Variants in USP47 observed in about 807,000 individuals in gnomAD.
USP47 encodes the protein ubiquitin carboxyl-terminal hydrolase 47.
In USP47, 35 loss-of-function variants were observed where a neutral mutation model predicts 165.1. That is an observed-to-expected ratio of 0.21 (90% CI 0.16 to 0.28). USP47 has a LOEUF of 0.28. USP47 is among the 10% of genes least tolerant of loss of function. The pLI is 1.00. For missense variants in USP47, 1,277 were observed against 1,607.4 expected, an observed-to-expected ratio of 0.79 and a Z score of 3.52; for synonymous variants, 531 against 544.5, an observed-to-expected ratio of 0.98 and a Z score of 0.35.
intron 3 of USP47, among the ~76,000 whole-genome samples, chr11:11,885,786 C>T (rs538762194): frequency 3.3e-5 from 5 of 152,226 alleles, no homozygotes; most frequent in South Asian, 2.1e-4. Flanking sequence ...GACCCACTGG[C>T]TTGGAATTGG....
chr11:11,862,638 G>A (rs143791826), intron 1 of USP47, among the ~76,000 whole-genome samples: 121 of 152,286 alleles, frequency 7.9e-4, no homozygotes, highest in African/African-American at 2.8e-3. Flanking sequence ...TATTCTGGAT[G>A]TAATTTGACA....
intron 7 of USP47, among the ~76,000 whole-genome samples, chr11:11,904,638 A>C (rs564562607): frequency 4.6e-5 from 7 of 152,184 alleles, no homozygotes; most frequent in African/African-American, 1.7e-4. Context: ...ATTCCTACTG[A>C]GTTCCCAAGT....
intron 3 of USP47, among the ~76,000 whole-genome samples, chr11:11,891,002 C>T (rs1232013701): frequency 6.6e-6 from 1 of 151,960 alleles, no homozygotes; most frequent in African/African-American, 2.4e-5. Flanking sequence ...CACACTGGGG[C>T]ATGTTGTGAG....
Position 11,936,250 on chromosome 11 carries a change from A to G in USP47, c.1870-53A>G, listed in dbSNP as rs943280022. On this transcript the variant is annotated intron_variant, in intron 16 of 27. Coordinates refer to ENST00000527733, the MANE Select transcript of USP47 (RefSeq NM_001282659.2). ...ACTGTGTATTTATATATGTATATATATAAATATATATGTATATATATTTTT... is the reference window on the plus strand; with the variant it reads ...ACTGTGTATTTATATATGTATATATGTAAATATATATGTATATATATTTTT... 15 of 901,324 alleles carry G rather than the reference A, an allele frequency of 1.7e-5. 1 individual carries two copies. The Admixed American group carries it at 5.5e-4, about 33-fold the overall frequency. The allele number at this position is 901,324 out of a possible 1,614,324, so 55.8% of individuals were successfully genotyped here. A position where few individuals can be genotyped will look rare whatever the true frequency, so the allele number is the denominator to read the frequency against.
intron 1 of USP47, among the ~76,000 whole-genome samples, chr11:11,842,548 C>T (rs1363463719): frequency 6.6e-6 from 1 of 152,208 alleles, no homozygotes; most frequent in Non-Finnish European, 1.5e-5. Flanking sequence ...CGGGAGAGAT[C>T]ATTTCAAAGA....
Position 11,893,733 on chromosome 11 carries a change from A to G in USP47, c.496+1627A>G, listed in dbSNP as rs561123558. Among the ~76,000 whole-genome samples the G allele has an allele frequency of 3.3e-5, 5 of 152,170 alleles. No individual in the cohort carries two copies. The East Asian group carries it at 9.7e-4, about 29-fold the overall frequency. On this transcript the variant is annotated intron_variant, in intron 4 of 27. Coordinates refer to ENST00000527733, the MANE Select transcript of USP47 (RefSeq NM_001282659.2). ...ACGCCTGGCTTTTAAATTTTTCTAG[A>G]GATGAGGTCTCACTGTGTTGCCCAG...
chr11:11,905,438 G>T lies in USP47; in HGVS notation c.859G>T (p.Asp287Tyr). The change falls in exon 8 of 28, where the codon GAC becomes TAC. Residue 287 changes from aspartate to tyrosine, a missense_variant. By Grantham distance (160) the Asp-to-Tyr change is radical (BLOSUM62 -3). Transcript: ENST00000527733. ...TGAGCTATATCAAGGCAAGCTGAAG[G>T]ACTACGTGAGATGTCTGGAATGTGG... The part of the protein sequence containing the change: ...INELYQGKLK[D>Y]YVRCLECGYE... 6.2e-7 allele frequency: 1 copy of T among 1,604,814 alleles called. No homozygotes were observed. The highest frequency in any genetic ancestry group is 1.1e-5 in the South Asian group (1 of 90,036).
chr11:11,899,998 ACTAT>A (rs1172731895), intron 5 of USP47, among the ~76,000 whole-genome samples: 7 of 152,266 alleles, frequency 4.6e-5, no homozygotes, highest in African/African-American at 1.4e-4. Context: ...AAAAGGATAG[ACTAT>A]CTAGAGAGTA....
rs1847370505 is a variant in USP47 at position 11,959,711 on chromosome 11, G to A, written c.*3536G>A. Among the ~76,000 whole-genome samples, 1 of 152,100 alleles carries A rather than the reference G, an allele frequency of 6.6e-6. No homozygotes were observed. The highest frequency in any genetic ancestry group is 2.1e-4 in the South Asian group (1 of 4,822). ...AGCCATCAGTAGGTCAAGCTAGGAG[G>A]GCAAAAGAGAGTTGAGAGGAATGCT... On this transcript the variant is annotated 3_prime_UTR_variant, in exon 28 of 28. Transcript: ENST00000527733.
intron 1 of USP47, among the ~76,000 whole-genome samples, chr11:11,846,294 C>A (rs1024701932): frequency 6.6e-6 from 1 of 152,116 alleles, no homozygotes; most frequent in African/African-American, 2.4e-5. Flanking sequence ...TGAGTACTCA[C>A]TGTGCATATT....
At chr11:11,854,116 C>T (rs1267614268) in intron 1 of USP47, among the ~76,000 whole-genome samples, 1 of 126,428 alleles carries the variant, frequency 7.9e-6, no homozygotes, top group Non-Finnish European at 1.7e-5. Flanking sequence ...GCTAGGGGGA[C>T]AGGGCGAGAC....
chr11:11,959,690 A>T lies in USP47; in HGVS notation c.*3515A>T, dbSNP rs753516989. ...TTACTATTTAGAAAAGAGTGCAGCC[A>T]TCAGTAGGTCAAGCTAGGAGGGCAA... On this transcript the variant is annotated 3_prime_UTR_variant, in exon 28 of 28. Coordinates refer to ENST00000527733, the MANE Select transcript of USP47 (RefSeq NM_001282659.2). Among the ~76,000 whole-genome samples, 3 of 152,224 alleles carry T rather than the reference A, an allele frequency of 2.0e-5. No homozygotes were observed. Among genetic ancestry groups the T allele is most frequent in the Non-Finnish European group, 4.4e-5 (3 of 68,046 alleles).
intron 1 of USP47, among the ~76,000 whole-genome samples, chr11:11,875,290 CAT>C (rs1043110895): frequency 6.6e-6 from 1 of 152,014 alleles, no homozygotes; most frequent in African/African-American, 2.4e-5. Flanking sequence ...CCATTCTGAA[CAT>C]ATACGATCAA....
intron 3 of USP47, 147 bp downstream of exon 3, chr11:11,884,727 G>T: frequency 1.7e-6 from 1 of 592,606 alleles, no homozygotes. Context: ...TTTGTTATAA[G>T]TGTGTAGAAT....
At chr11:11,888,371 A>AG (rs1213276081) in intron 3 of USP47, among the ~76,000 whole-genome samples, 1 of 152,296 alleles carries the variant, frequency 6.6e-6, no homozygotes, top group Admixed American at 6.5e-5. Context: ...AGAAACGATA[A>AG]GGGGGATATC....
intron 15 of USP47, 44 bp from the exon 16 acceptor site, chr11:11,933,787 A>G: frequency 7.3e-7 from 1 of 1,369,016 alleles, no homozygotes; most frequent in Non-Finnish European, 1.0e-6. Flanking sequence ...GAAGAATTGA[A>G]CTTTGGAACT....
chr11:11,872,101 T>C (rs958404613), intron 1 of USP47, among the ~76,000 whole-genome samples: 5 of 152,210 alleles, frequency 3.3e-5, no homozygotes, highest in African/African-American at 1.2e-4. Context: ...AGCTTGTTTC[T>C]GCTCTGCTAG....
chr11:11,873,704 C>A (rs1250576230), intron 1 of USP47: 5 of 631,490 alleles, frequency 7.9e-6, no homozygotes, highest in Non-Finnish European at 1.2e-5. Context: ...TATTTTATTG[C>A]AAAAATGTTT....
chr11:11,935,475 GAAAC>G (rs763159996), intron 16 of USP47, among the ~76,000 whole-genome samples: 7 of 151,064 alleles, frequency 4.6e-5, no homozygotes, highest in Admixed American at 6.6e-5. Context: ...CAAATAAAAA[GAAAC>G]AAACAAACAG....
Sources: gnomAD v4.1 joint callset for allele counts (sites outside exome capture counted in the v4.1 genomes callset) on GRCh38, gnomAD v4.1.1 for gene constraint, MANE v1.5 for transcripts, NCBI Gene and HGNC (gene_info 2026-07-23, HGNC 2026-07-21) for gene names.